The following IPCEF1 variants were observed in gnomAD, a reference collection of about 807,000 sequenced individuals.
IPCEF1 encodes the protein interaction protein for cytohesin exchange factors 1.
Under a neutral mutation model 50.9 loss-of-function variants are expected in IPCEF1, and 31 were observed. That is an observed-to-expected ratio of 0.61 (90% CI 0.46 to 0.82). IPCEF1 has a LOEUF of 0.82. IPCEF1 is among the 40% of genes least tolerant of loss of function. The pLI is 0.00. For synonymous variants in IPCEF1, 181 were observed against 192.0 expected, an observed-to-expected ratio of 0.94 and a Z score of 0.47; for missense variants, 458 against 514.0, an observed-to-expected ratio of 0.89 and a Z score of 1.05.
chr6:154,331,666 A>C (rs1783676413), intron 1 of IPCEF1, among the ~76,000 whole-genome samples: 1 of 152,174 alleles, frequency 6.6e-6, no homozygotes, highest in African/African-American at 2.4e-5. Context: ...AGGCTCAAGC[A>C]TGTGCACTAA....
At chr6:154,317,548 C>CAAAAAAAAAAAAAAAA (rs71021041) in intron 1 of IPCEF1, among the ~76,000 whole-genome samples, 1 of 16,314 alleles carries the variant, frequency 6.1e-5, no homozygotes, top group Non-Finnish European at 9.6e-5. Flanking sequence ...GACTCCATCT[C>CAAAAAAAAAAAAAAAA]AAAAAAAAAA....
intron 10 of IPCEF1, among the ~76,000 whole-genome samples, chr6:154,174,938 C>T (rs1450718846): frequency 1.3e-5 from 2 of 152,150 alleles, no homozygotes; most frequent in African/African-American, 4.8e-5. Context: ...CACTCCTCAG[C>T]AAATGTAAAA....
At chr6:154,206,790 A>G (rs1339103633) in intron 9 of IPCEF1, among the ~76,000 whole-genome samples, 1 of 152,204 alleles carries the variant, frequency 6.6e-6, no homozygotes, top group African/African-American at 2.4e-5. Context: ...CTGCAAGTGG[A>G]GAAACTTTAT....
rs140256462 is a variant in IPCEF1, at chr6:154,202,640, T to C, written c.538-2600A>G. Among the ~76,000 whole-genome samples, 838 of 152,306 alleles carry C rather than the reference T, an allele frequency of 5.5e-3. 5 individuals carry two copies. The highest frequency in any genetic ancestry group is 0.019 in the African/African-American group (795 of 41,558). Reference sequence around the variant, plus strand: ...ACTGGGCTATTTGAACAACAGACCATGTACACAGTTGCTACAGGACTGTCT... The same window carrying C: ...ACTGGGCTATTTGAACAACAGACCACGTACACAGTTGCTACAGGACTGTCT... On this transcript the variant is annotated intron_variant, in intron 9 of 11. Transcript: ENST00000367220.
Position 154,170,579 on chromosome 6 carries a change from G to A in IPCEF1, c.911-2466C>T, listed in dbSNP as rs1318835391. Among the ~76,000 whole-genome samples the A allele has an allele frequency of 2.6e-5, 4 of 152,090 alleles. No individual in the cohort carries two copies. In the East Asian group the frequency reaches 5.8e-4, roughly 22 times the overall value. On this transcript the variant is annotated intron_variant, in intron 10 of 11. Coordinates refer to ENST00000367220, the MANE Select transcript of IPCEF1 (RefSeq NM_001130700.2). ...CAACCTCCTTTTTCTCTACCAAACC[G>A]TCTCACAAAAGGGAAGAAAATACTC... is the stretch of plus-strand genomic sequence containing the variant.
intron 10 of IPCEF1, among the ~76,000 whole-genome samples, chr6:154,184,748 G>A (rs1160148276): frequency 1.3e-5 from 2 of 148,264 alleles, no homozygotes; most frequent in African/African-American, 2.4e-5. Flanking sequence ...TGCTGGTAAA[G>A]GAAATCTTTA....
chr6:154,279,145 GGCATAAGAAGGTT>G (rs1452861733), intron 2 of IPCEF1, among the ~76,000 whole-genome samples: 11 of 150,650 alleles, frequency 7.3e-5, no homozygotes, highest in Admixed American at 2.0e-4. Flanking sequence ...AAAAAAAGTG[GGCATAAGAAGGTT>G]GCTAGCTACA....
intron 8 of IPCEF1, chr6:154,213,459 G>C (rs907313752): frequency 1.3e-5 from 2 of 153,266 alleles, no homozygotes; most frequent in African/African-American, 4.8e-5. Context: ...GGACCAAGAA[G>C]ATGGCTAGGA....
At chr6:154,315,729 T>C (rs1583980714) in intron 1 of IPCEF1, among the ~76,000 whole-genome samples, 1 of 152,228 alleles carries the variant, frequency 6.6e-6, no homozygotes. Flanking sequence ...TGTCTTCAAA[T>C]AGGGAAAACA....
intron 9 of IPCEF1, among the ~76,000 whole-genome samples, chr6:154,210,958 T>A (rs900120968): frequency 6.6e-6 from 1 of 152,164 alleles, no homozygotes; most frequent in African/African-American, 2.4e-5. Context: ...ATAATCAATA[T>A]AATACCTTAA....
chr6:154,172,507 G>A (rs1442844265), intron 10 of IPCEF1, among the ~76,000 whole-genome samples: 1 of 152,208 alleles, frequency 6.6e-6, no homozygotes, highest in African/African-American at 2.4e-5. Flanking sequence ...TGGCTCGGTG[G>A]GTCCCACACC....
chr6:154,268,945 A>T (rs1781827517), intron 2 of IPCEF1, among the ~76,000 whole-genome samples: 1 of 152,106 alleles, frequency 6.6e-6, no homozygotes, highest in African/African-American at 2.4e-5. Flanking sequence ...AGCCTCTCAC[A>T]TCACCTTATT....
chr6:154,292,014 A>G (rs1342500709), intron 1 of IPCEF1, among the ~76,000 whole-genome samples: 2 of 152,154 alleles, frequency 1.3e-5, no homozygotes, highest in African/African-American at 4.8e-5. Flanking sequence ...GACAAAATGC[A>G]ATCACTATAC....
chr6:154,335,660 A>G (rs562954392), intron 1 of IPCEF1, among the ~76,000 whole-genome samples: 1 of 152,114 alleles, frequency 6.6e-6, no homozygotes, highest in Non-Finnish European at 1.5e-5. Flanking sequence ...ACATAGCAAG[A>G]CCCTCATCTC....
chr6:154,171,892 C>T (rs1583698802), intron 10 of IPCEF1, among the ~76,000 whole-genome samples: 1 of 152,284 alleles, frequency 6.6e-6, no homozygotes, highest in East Asian at 1.9e-4. Flanking sequence ...TAGAATTCTA[C>T]TTAGATTAAG....
chr6:154,241,033 C>T (rs1192645060), intron 5 of IPCEF1, among the ~76,000 whole-genome samples: 3 of 151,934 alleles, frequency 2.0e-5, no homozygotes, highest in African/African-American at 4.8e-5. Flanking sequence ...GTCAAGAGAT[C>T]GAGACCATCC....
intron 10 of IPCEF1, among the ~76,000 whole-genome samples, chr6:154,169,814 A>T (rs887897075): frequency 6.6e-6 from 1 of 152,308 alleles, no homozygotes; most frequent in South Asian, 2.1e-4. Flanking sequence ...AGAGATAAAC[A>T]TGTGCCTCTG....
At chr6:154,298,450 T>C (rs985045746) in intron 1 of IPCEF1, among the ~76,000 whole-genome samples, 4 of 152,222 alleles carry the variant, frequency 2.6e-5, no homozygotes, top group Non-Finnish European at 4.4e-5. Flanking sequence ...TCACTTTGAC[T>C]TTGCAAACAT....
At chr6:154,281,445 G>T (rs1583941333) in intron 2 of IPCEF1, among the ~76,000 whole-genome samples, 1 of 152,118 alleles carries the variant, frequency 6.6e-6, no homozygotes, top group East Asian at 1.9e-4. Context: ...AGGATCACTT[G>T]AGCCCAGGAG....
Sources: allele counts gnomAD v4.1 joint callset (sites outside exome capture counted in the v4.1 genomes callset), GRCh38; gene constraint gnomAD v4.1.1; transcripts MANE v1.5; gene names NCBI Gene and HGNC (gene_info 2026-07-23, HGNC 2026-07-21).